CPAMD8: variants seen among roughly 807,000 people sequenced by gnomAD.
The protein encoded by CPAMD8 is C3 and PZP-like alpha-2-macroglobulin domain-containing protein 8.
CPAMD8 carries 146 observed loss-of-function variants against 224.7 expected under a neutral mutation model. The observed-to-expected ratio is 0.65, with a 90% CI of 0.57 to 0.75. The LOEUF (loss-of-function observed/expected upper bound fraction) is 0.75, where lower values mean the gene tolerates loss of function less well. Among genes scored for constraint, CPAMD8 ranks in the 30% least tolerant of loss-of-function variants. The pLI, the probability that CPAMD8 is intolerant of heterozygous loss-of-function variation, is 0.00. For missense variants in CPAMD8, 2,301 were observed against 2,537.5 expected (o/e 0.91, Z 2.00); for synonymous variants, 966 against 1,044.6 (o/e 0.92, Z 1.45).
At chr19:17,016,195 T>A (rs1191607406) in intron 3 of CPAMD8, among the ~76,000 whole-genome samples, 1 of 152,150 alleles carries the variant, frequency 6.6e-6, no homozygotes, top group Non-Finnish European at 1.5e-5. Context: ...CCTCAAGCGA[T>A]CCTCCAGTTT....
intron 13 of CPAMD8, among the ~76,000 whole-genome samples, chr19:16,985,126 G>C (rs1599847241): frequency 6.6e-6 from 1 of 152,166 alleles, no homozygotes; most frequent in East Asian, 1.9e-4. Flanking sequence ...TTATGGTCAA[G>C]TATTTAAGAG....
At chr19:17,007,846 G>A (rs903933485) in intron 7 of CPAMD8, among the ~76,000 whole-genome samples, 1 of 152,250 alleles carries the variant, frequency 6.6e-6, no homozygotes, top group Non-Finnish European at 1.5e-5. Flanking sequence ...CAATGGGGAT[G>A]ATAAAATCTG....
chr19:16,929,494 C>A lies in CPAMD8; in HGVS notation c.2846-254G>T, dbSNP rs146991366. Among the ~76,000 whole-genome samples, 333 of 152,280 alleles carry A rather than the reference C, an allele frequency of 2.2e-3. 3 individuals carry two copies. The East Asian group carries it at 0.042, about 19-fold the overall frequency. On this transcript the variant is annotated intron_variant, in intron 23 of 41. Transcript: ENST00000443236. ...CTGAGGCAGGAAGACTACTTGAGGC[C>A]AGGAGTTCAAGACCAGCCTGGGCAA...
At chr19:16,903,952 C>A in intron 32 of CPAMD8, 95 bp from the exon 33 acceptor site, 1 of 1,273,116 alleles carries the variant, frequency 7.9e-7, no homozygotes, top group East Asian at 2.4e-5. Context: ...AAAACAGGCA[C>A]CAACGGGGCT....
chr19:17,005,828 G>A lies in CPAMD8; in HGVS notation c.560-1442C>T, dbSNP rs532021241. ...ATTCAGGCAAAGTGGGCCTTTGATG[G>A]TTACAGGACATTCGGGGATGTGTGT... is the stretch of plus-strand genomic sequence containing the variant. On this transcript the variant is annotated intron_variant, in intron 7 of 41. Coordinates refer to ENST00000443236, the MANE Select transcript of CPAMD8 (RefSeq NM_015692.5). 3.9e-5 allele frequency among the ~76,000 whole-genome samples: 6 copies of A among 152,224 alleles called. No individual in the cohort carries two copies. In the South Asian group the frequency reaches 1.2e-3, roughly 32 times the overall value.
chr19:16,938,291 C>A, intron 23 of CPAMD8, 104 bp downstream of exon 23: 1 of 585,430 alleles, frequency 1.7e-6, no homozygotes, highest in South Asian at 2.5e-5. Context: ...GGCAGGTGCT[C>A]ACTTTGCAGC....
intron 41 of CPAMD8, chr19:16,895,567 T>G: frequency 3.6e-6 from 1 of 275,950 alleles, no homozygotes; most frequent in Non-Finnish European, 7.2e-6. Flanking sequence ...GGAAGGATCC[T>G]GTGCAGATGG....
At chr19:16,930,617 C>T (rs1355833502) in intron 23 of CPAMD8, among the ~76,000 whole-genome samples, 2 of 152,086 alleles carry the variant, frequency 1.3e-5, no homozygotes, top group South Asian at 2.1e-4. Flanking sequence ...TGAGTGAACC[C>T]CCGTGGTCCC....
At chr19:16,961,515 C>G (rs1027095190) in intron 18 of CPAMD8, among the ~76,000 whole-genome samples, 1 of 152,256 alleles carries the variant, frequency 6.6e-6, no homozygotes, top group Non-Finnish European at 1.5e-5. Context: ...GGCTGGGAAG[C>G]TTAAACTGGG....
intron 24 of CPAMD8, 104 bp from the exon 25 acceptor site, chr19:16,928,338 ATGCTCACAG>A: frequency 1.2e-6 from 1 of 850,704 alleles, no homozygotes; most frequent in Non-Finnish European, 1.9e-6. Context: ...GGCCTCAGCC[ATGCTCACAG>A]TGCAAGGAAG....
intron 16 of CPAMD8, among the ~76,000 whole-genome samples, chr19:16,975,619 G>T (rs557701306): frequency 1.3e-5 from 2 of 152,040 alleles, no homozygotes; most frequent in Non-Finnish European, 2.9e-5. Flanking sequence ...GAGGTGGGAG[G>T]ATCGTTTAAG....
At chr19:16,904,919 C>T (rs574815988) in intron 30 of CPAMD8, among the ~76,000 whole-genome samples, 1 of 152,332 alleles carries the variant, frequency 6.6e-6, no homozygotes, top group South Asian at 2.1e-4. Context: ...TACTTAGTGC[C>T]CAAGCAGCCA....
intron 20 of CPAMD8, among the ~76,000 whole-genome samples, chr19:16,948,493 T>C (rs1474559571): frequency 6.6e-6 from 1 of 152,026 alleles, no homozygotes; most frequent in African/African-American, 2.4e-5. Context: ...ACACCTGTAA[T>C]CCCAGCACTT....
At chr19:16,895,843 T>G (rs987088288) in intron 41 of CPAMD8, 1 of 500,550 alleles carries the variant, frequency 2.0e-6, no homozygotes, top group Non-Finnish European at 3.9e-6. Flanking sequence ...GAAACACTGC[T>G]GGTCCCCCCA....
intron 11 of CPAMD8, among the ~76,000 whole-genome samples, chr19:16,994,631 G>T (rs1033619216): frequency 7.0e-6 from 1 of 143,348 alleles, no homozygotes; most frequent in Non-Finnish European, 1.5e-5. Context: ...CAATCCTCCT[G>T]CCTCATCCTC....
intron 8 of CPAMD8, among the ~76,000 whole-genome samples, chr19:17,003,004 G>A (rs575553359): frequency 3.0e-4 from 45 of 150,464 alleles, no homozygotes; most frequent in Admixed American, 4.7e-4. Flanking sequence ...CCTGGTTCAA[G>A]CAATTCTCCT....
intron 14 of CPAMD8, among the ~76,000 whole-genome samples, chr19:16,979,134 A>T (rs2055394184): frequency 6.8e-6 from 1 of 146,138 alleles, no homozygotes. Flanking sequence ...CCATCCATCT[A>T]TTCATCCATC....
At chr19:16,977,821 G>C (rs370837106) in intron 14 of CPAMD8, among the ~76,000 whole-genome samples, 1 of 152,016 alleles carries the variant, frequency 6.6e-6, no homozygotes. Context: ...CCTGCTCCCT[G>C]ACCAGCCCTC....
rs200180223 is a variant in CPAMD8, at chr19:16,938,355, A to G, written c.2845+40T>C. The G allele has an allele frequency of 1.0e-5, 13 of 1,243,226 alleles. No individual in the cohort carries two copies. In the African/African-American group the frequency reaches 1.8e-4, roughly 17 times the overall value. 77.0% of individuals were successfully genotyped at this position (1,243,226 alleles called of 1,614,324 possible). A position where few individuals can be genotyped will look rare whatever the true frequency, so the allele number is the denominator to read the frequency against. On this transcript the variant is annotated intron_variant, in intron 23 of 41. Transcript: ENST00000443236. ...GGAAGGCCAAAGTCCTGACCCAGCC[A>G]GGTGGCCACACCTTAGCAGAATGGG...
Sources: allele counts gnomAD v4.1 joint callset (sites outside exome capture counted in the v4.1 genomes callset), GRCh38; gene constraint gnomAD v4.1.1; transcripts MANE v1.5; gene names NCBI Gene and HGNC (gene_info 2026-07-23, HGNC 2026-07-21).